The following GM2A variants were observed in gnomAD, a reference collection of about 807,000 sequenced individuals.
GM2A encodes GM2 ganglioside activator.
Under a neutral mutation model 12.9 loss-of-function variants are expected in GM2A, and 7 were observed. The observed-to-expected ratio is 0.54, with a 90% CI of 0.31 to 1.02. The LOEUF is 1.02. Ranked by LOEUF, GM2A falls within the 50% of genes least tolerant of loss-of-function variation. The probability of loss-of-function intolerance (pLI) is 0.05; values close to 1 mark genes in which losing one functional copy is unlikely to be tolerated. For missense variants in GM2A, 246 were observed against 241.0 expected (o/e 1.02, Z -0.14); for synonymous variants, 101 against 96.0 (o/e 1.05, Z -0.30).
chr5:151,255,603 C>T (rs887342462), intron 1 of GM2A, among the ~76,000 whole-genome samples: 45 of 152,080 alleles, frequency 3.0e-4, no homozygotes, highest in African/African-American at 9.2e-4. Flanking sequence ...GGGGAGTTGT[C>T]GGTGAAGGGA....
chr5:151,261,353 T>C (rs1206266075), intron 2 of GM2A, among the ~76,000 whole-genome samples: 2 of 152,244 alleles, frequency 1.3e-5, no homozygotes, highest in African/African-American at 4.8e-5. Flanking sequence ...GGCAGAAATA[T>C]TCTGATGTGG....
At position 151,253,186 on chromosome 5, in the gene GM2A, C is replaced by G. The variant is rs553449209; in HGVS notation, c.-31C>G. On this transcript the variant is annotated 5_prime_UTR_variant, in exon 1 of 4. Transcript: ENST00000357164. Reference sequence around the variant, plus strand: ...GGCACCTCTGCCGCCACAGACCTTGCAGTTAACTCCGCCCTGACCCACCCT... The same window carrying G: ...GGCACCTCTGCCGCCACAGACCTTGGAGTTAACTCCGCCCTGACCCACCCT... The G allele has an allele frequency of 1.4e-5, 21 of 1,540,132 alleles. No homozygotes were observed. In the African/African-American group the frequency reaches 2.0e-4, roughly 15 times the overall value.
chr5:151,253,893 C>T (rs547759659), intron 1 of GM2A, among the ~76,000 whole-genome samples: 2 of 152,310 alleles, frequency 1.3e-5, no homozygotes, highest in South Asian at 4.1e-4. Context: ...ACTTCTCATT[C>T]ACACCGTGCT....
In GM2A at chr5:151,259,793, T is replaced by G; in HGVS notation, c.120T>G (p.Asp40Glu). 1 of 1,614,008 alleles carries G rather than the reference T, an allele frequency of 6.2e-7. No individual in the cohort carries two copies. The highest frequency in any genetic ancestry group is 8.5e-7 in the Non-Finnish European group (1 of 1,179,856). ...QLSSFSWDNC[D>E]EGKDPAVIRS... ...GTAGCTTTTCCTGGGATAACTGTGA[T>G]GAAGGGAAGGACCCTGCGGTGATCA... Residue 40 changes from aspartate (D) to glutamate (E), a missense_variant, in exon 2 of 4, where the codon GAT (aspartate) becomes GAG (glutamate). Physicochemically the swap from Asp to Glu is conservative, Grantham distance 45. Transcript: ENST00000357164.
At chr5:151,261,415 C>T (rs1753796003) in intron 2 of GM2A, among the ~76,000 whole-genome samples, 2 of 151,830 alleles carry the variant, frequency 1.3e-5, no homozygotes, top group South Asian at 2.1e-4. Flanking sequence ...AGTTTGTTTC[C>T]AGGGTAGTTT....
chr5:151,259,703 C>A (rs1279399497), intron 1 of GM2A, 52 bp from the exon 2 acceptor site: 6 of 1,572,934 alleles, frequency 3.8e-6, no homozygotes, highest in Non-Finnish European at 4.4e-6. Flanking sequence ...GTGATAGTTT[C>A]TTTTGTCAAC....
rs889868811 is a variant in GM2A at position 151,269,789 on chromosome 5, A to G, written c.*2338A>G. ...CATAAATATCCCTAAGGAAAAATCCACCGTGGTACATTCAGTCCTCTCACC... is the reference window on the plus strand; with the variant it reads ...CATAAATATCCCTAAGGAAAAATCCGCCGTGGTACATTCAGTCCTCTCACC... On this transcript the variant is annotated 3_prime_UTR_variant, in exon 4 of 4. Transcript: ENST00000357164. 2 of 184,196 alleles carry G rather than the reference A, an allele frequency of 1.1e-5. No individual in the cohort carries two copies. Among genetic ancestry groups the G allele is most frequent in the Non-Finnish European group, 2.1e-5 (2 of 95,230 alleles). 11.4% of individuals were successfully genotyped at this position (184,196 alleles called of 1,614,324 possible).
In GM2A at chr5:151,267,862, G is replaced by A. The variant is rs375874064; in HGVS notation, c.*411G>A. 2.3e-5 allele frequency: 27 copies of A among 1,161,590 alleles called. No individual in the cohort carries two copies. In the African/African-American group the frequency reaches 2.9e-4, roughly 13 times the overall value. The allele number at this position is 1,161,590 out of a possible 1,614,324, so 72.0% of individuals were successfully genotyped here. A position where few individuals can be genotyped will look rare whatever the true frequency, so the allele number is the denominator to read the frequency against. ...TTAAAAGCGAAGTGAGAGTATTAAC[G>A]TTTTTGTTCTCCTCCGGCCCCCTGT... On this transcript the variant is annotated 3_prime_UTR_variant, in exon 4 of 4. Coordinates refer to ENST00000357164, the MANE Select transcript of GM2A (RefSeq NM_000405.5).
Position 151,259,836 on chromosome 5 carries a change from C to G in GM2A, c.163C>G (p.Pro55Ala). 2 of 1,612,390 alleles carry G rather than the reference C, an allele frequency of 1.2e-6. No homozygotes were observed. The highest frequency in any genetic ancestry group is 1.7e-6 in the Non-Finnish European group (2 of 1,178,412). ...PAVIRSLTLE[P>A]DPIIVPGNVT... The stretch of plus-strand genomic sequence containing the variant: ...GGTGATCAGAAGCCTGACTCTGGAG[C>G]CTGACCCCATCATCGTTCCTGGAAA... Residue 55 changes from proline (P) to alanine (A), a missense_variant, in exon 2 of 4, where the codon CCT becomes GCT. Transcript: ENST00000357164.
rs1259643709 is a variant in GM2A at position 151,270,221 on chromosome 5, G to A, written c.*2770G>A. 2.0e-5 allele frequency: 12 copies of A among 601,402 alleles called. No individual in the cohort carries two copies. Among genetic ancestry groups the A allele is most frequent in the Non-Finnish European group, 2.9e-5 (12 of 411,944 alleles). The allele number at this position is 601,402 out of a possible 1,614,324, so 37.3% of individuals were successfully genotyped here. ...CTTGGAGAAAGTTGAAGTTAGACCT[G>A]TACTTCACACCATATGCAAGAATGA... On this transcript the variant is annotated 3_prime_UTR_variant, in exon 4 of 4. Transcript: ENST00000357164.
Position 151,268,856 on chromosome 5 carries a change from C to T in GM2A, c.*1405C>T, listed in dbSNP as rs940346735. The stretch of plus-strand genomic sequence containing the variant: ...CACGTCACAACCTCTGATCTCAGAC[C>T]GTGCATGCCTTGTCCTCTTAAGACA... On this transcript the variant is annotated 3_prime_UTR_variant, in exon 4 of 4. Coordinates refer to ENST00000357164, the MANE Select transcript of GM2A (RefSeq NM_000405.5). 2.5e-5 allele frequency: 25 copies of T among 985,254 alleles called. No homozygotes were observed. Among genetic ancestry groups the T allele is most frequent in the East Asian group, 2.3e-4 (2 of 8,830 alleles). The allele number at this position is 985,254 out of a possible 1,614,324, so 61.0% of individuals were successfully genotyped here. A position where few individuals can be genotyped will look rare whatever the true frequency, so the allele number is the denominator to read the frequency against.
At chr5:151,267,052 A>G (rs1011464911) in intron 3 of GM2A, 139 bp downstream of exon 3, 14 of 868,666 alleles carry the variant, frequency 1.6e-5, no homozygotes, top group Non-Finnish European at 1.9e-6. Flanking sequence ...GGAATCACTT[A>G]TCTTCCGGGA....
rs1000720033 is a variant in GM2A, at chr5:151,269,922, C to T, written c.*2471C>T. The T allele has an allele frequency of 9.5e-6, 11 of 1,153,218 alleles. No individual in the cohort carries two copies. The highest frequency in any genetic ancestry group is 1.2e-5 in the Non-Finnish European group (11 of 929,644). The allele number at this position is 1,153,218 out of a possible 1,614,324, so 71.4% of individuals were successfully genotyped here. On this transcript the variant is annotated 3_prime_UTR_variant, in exon 4 of 4. Transcript: ENST00000357164. Reference sequence around the variant, plus strand: ...TTACCAACCCACGAGTTGACCACTTCCCAATGCCGGGGATCTGACACCTCA... The same window carrying T: ...TTACCAACCCACGAGTTGACCACTTTCCAATGCCGGGGATCTGACACCTCA...
Position 151,269,610 on chromosome 5 carries a change from T to A in GM2A, c.*2159T>A. The stretch of plus-strand genomic sequence containing the variant: ...GGCAAAACGCCTTATTTGGGGAAAA[T>A]TAAAAGTAATTAGACTTTCCTATTA... On this transcript the variant is annotated 3_prime_UTR_variant, in exon 4 of 4. Transcript: ENST00000357164. The A allele has an allele frequency of 4.8e-6, 1 of 208,532 alleles. No individual in the cohort carries two copies. The allele number at this position is 208,532 out of a possible 1,614,324, so 12.9% of individuals were successfully genotyped here.
intron 1 of GM2A, among the ~76,000 whole-genome samples, chr5:151,259,155 G>A (rs1371758668): frequency 6.6e-6 from 1 of 152,150 alleles, no homozygotes; most frequent in Non-Finnish European, 1.5e-5. Flanking sequence ...GAAGTCCACT[G>A]GGGATTATTC....
intron 1 of GM2A, among the ~76,000 whole-genome samples, chr5:151,255,294 C>T (rs528155737): frequency 3.7e-4 from 57 of 152,270 alleles, no homozygotes; most frequent in African/African-American, 1.3e-3. Context: ...CAGAGTGAGA[C>T]CCTATCTCAC....
intron 3 of GM2A, 132 bp downstream of exon 3, chr5:151,267,045 A>G (rs1193784832): frequency 1.1e-6 from 1 of 895,076 alleles, no homozygotes; most frequent in Non-Finnish European, 1.8e-6. Flanking sequence ...CCTATCAGGA[A>G]TCACTTATCT....
chr5:151,269,916 C>T lies in GM2A; in HGVS notation c.*2465C>T, dbSNP rs1308348699. ...TTCTTTTTACCAACCCACGAGTTGACCACTTCCCAATGCCGGGGATCTGAC... is the reference window on the plus strand; with the variant it reads ...TTCTTTTTACCAACCCACGAGTTGATCACTTCCCAATGCCGGGGATCTGAC... On this transcript the variant is annotated 3_prime_UTR_variant, in exon 4 of 4. Transcript: ENST00000357164. 3.6e-6 allele frequency: 4 copies of T among 1,111,858 alleles called. No individual in the cohort carries two copies. The East Asian group carries it at 1.5e-4, about 42-fold the overall frequency. 68.9% of individuals were successfully genotyped at this position (1,111,858 alleles called of 1,614,324 possible).
At chr5:151,263,112 A>C (rs1399605827) in intron 2 of GM2A, among the ~76,000 whole-genome samples, 3 of 70,600 alleles carry the variant, frequency 4.2e-5, no homozygotes, top group African/African-American at 5.8e-5. Flanking sequence ...TTTTTTTTTG[A>C]GATGGAGTTT....
Sources: allele counts gnomAD v4.1 joint callset (sites outside exome capture counted in the v4.1 genomes callset), GRCh38; gene constraint gnomAD v4.1.1; transcripts MANE v1.5; gene names NCBI Gene and HGNC (gene_info 2026-07-23, HGNC 2026-07-21).